Variants in SLC6A11 observed in about 807,000 individuals in gnomAD.
SLC6A11 encodes the protein solute carrier family 6 member 11.
SLC6A11 carries 25 observed loss-of-function variants against 74.8 expected under a neutral mutation model. The observed-to-expected ratio is 0.33, with a 90% CI of 0.24 to 0.47. The LOEUF is 0.47. Among genes scored for constraint, SLC6A11 ranks in the 20% least tolerant of loss-of-function variants. The pLI, the probability that SLC6A11 is intolerant of heterozygous loss-of-function variation, is 1.00. For synonymous variants in SLC6A11, 330 were observed against 330.2 expected (o/e 1.00, Z 0.01); for missense variants, 574 against 837.0 (o/e 0.69, Z 3.88).
intron 4 of SLC6A11, among the ~76,000 whole-genome samples, chr3:10,838,152 A>T (rs1694391023): frequency 6.6e-6 from 1 of 151,970 alleles, no homozygotes; most frequent in Non-Finnish European, 1.5e-5. Context: ...CTGGGCTGGG[A>T]CCTATTCCCA....
At chr3:10,877,606 C>G (rs923109818) in intron 6 of SLC6A11, among the ~76,000 whole-genome samples, 2 of 152,222 alleles carry the variant, frequency 1.3e-5, no homozygotes, top group Non-Finnish European at 2.9e-5. Flanking sequence ...AGAGGAAACA[C>G]AGGTGTTCAC....
intron 5 of SLC6A11, among the ~76,000 whole-genome samples, chr3:10,856,597 G>T (rs552314336): frequency 2.8e-4 from 43 of 152,328 alleles, no homozygotes; most frequent in Non-Finnish European, 5.7e-4. Flanking sequence ...TACCAAGGTA[G>T]AACCCAAAAC....
At chr3:10,856,796 C>T (rs1694643475) in intron 5 of SLC6A11, among the ~76,000 whole-genome samples, 2 of 152,172 alleles carry the variant, frequency 1.3e-5, no homozygotes, top group Non-Finnish European at 2.9e-5. Flanking sequence ...ACCTCTGGAA[C>T]CAGGCAGGCC....
chr3:10,933,053 A>G, intron 10 of SLC6A11, 98 bp from the exon 11 acceptor site: 1 of 808,064 alleles, frequency 1.2e-6, no homozygotes, highest in Non-Finnish European at 2.2e-6. Context: ...TGGTAGCCAC[A>G]GAGCAGAGAG....
intron 6 of SLC6A11, among the ~76,000 whole-genome samples, chr3:10,904,993 C>T (rs1012520994): frequency 1.3e-5 from 2 of 152,196 alleles, no homozygotes; most frequent in Non-Finnish European, 2.9e-5. Flanking sequence ...AAGGTTTTCA[C>T]TTCTTAAGGC....
intron 5 of SLC6A11, among the ~76,000 whole-genome samples, chr3:10,864,053 T>C (rs1367357345): frequency 6.6e-6 from 1 of 152,032 alleles, no homozygotes; most frequent in Non-Finnish European, 1.5e-5. Context: ...AAATGATAAA[T>C]GTCAGTCCTA....
At chr3:10,825,931 C>G (rs2106573732) in intron 4 of SLC6A11, among the ~76,000 whole-genome samples, 1 of 152,314 alleles carries the variant, frequency 6.6e-6, no homozygotes, top group South Asian at 2.1e-4. Flanking sequence ...TTACTGTAAG[C>G]CTTGAGCCTG....
chr3:10,935,026 C>A lies in SLC6A11; in HGVS notation c.1576-3C>A. On this transcript the variant is annotated splice_region_variant and splice_polypyrimidine_tract_variant and intron_variant, in intron 12 of 13. Coordinates refer to ENST00000254488, the MANE Select transcript of SLC6A11 (RefSeq NM_014229.3). ...CCAGGCACCTGCCCCCATCTCTCTG[C>A]AGGGGATCTTCATCTTCTTCTTGAT... is the stretch of plus-strand genomic sequence containing the variant. 6.2e-7 allele frequency: 1 copy of A among 1,612,772 alleles called. No homozygotes were observed. The highest frequency in any genetic ancestry group is 1.1e-5 in the South Asian group (1 of 90,680).
intron 6 of SLC6A11, among the ~76,000 whole-genome samples, chr3:10,898,526 G>T (rs1024383687): frequency 6.6e-6 from 1 of 152,180 alleles, no homozygotes. Flanking sequence ...CTAGGACAGT[G>T]GCAAAATGCC....
At chr3:10,912,658 C>G (rs1471848392) in intron 7 of SLC6A11, among the ~76,000 whole-genome samples, 4 of 152,242 alleles carry the variant, frequency 2.6e-5, no homozygotes, top group Non-Finnish European at 4.4e-5. Flanking sequence ...TCTCTGGCCT[C>G]CTGTAGCTGG....
At chr3:10,843,218 G>A (rs914304048) in intron 4 of SLC6A11, among the ~76,000 whole-genome samples, 1 of 152,166 alleles carries the variant, frequency 6.6e-6, no homozygotes, top group African/African-American at 2.4e-5. Context: ...AGAATTGGTG[G>A]GTTCTGAGGG....
chr3:10,928,404 A>G (rs1262727341), intron 9 of SLC6A11, among the ~76,000 whole-genome samples: 1 of 152,094 alleles, frequency 6.6e-6, no homozygotes, highest in Non-Finnish European at 1.5e-5. Flanking sequence ...AGTGGGGGAC[A>G]AGAGTGATCA....
At position 10,918,524 on chromosome 3, in the gene SLC6A11, C is replaced by T. The variant is rs1270840994; in HGVS notation, c.1120+71C>T. 1.1e-5 allele frequency: 17 copies of T among 1,516,046 alleles called. No individual in the cohort carries two copies. Among genetic ancestry groups the T allele is most frequent in the Middle Eastern group, 1.7e-4 (1 of 5,806 alleles). 93.9% of individuals were successfully genotyped at this position (1,516,046 alleles called of 1,614,324 possible). A position where few individuals can be genotyped will look rare whatever the true frequency, so the allele number is the denominator to read the frequency against. On this transcript the variant is annotated intron_variant, in intron 8 of 13. Transcript: ENST00000254488. The surrounding 1 kb of genome is among the most constrained non-coding windows in gnomAD (Gnocchi z 4.5). ...AGGAGTGATGGTCATCATGGAAATG[C>T]GATCTTCCTCCTCGGCTCACACATC...
intron 1 of SLC6A11, among the ~76,000 whole-genome samples, chr3:10,817,480 G>A (rs1254850182): frequency 6.6e-6 from 1 of 152,186 alleles, no homozygotes; most frequent in Non-Finnish European, 1.5e-5. Context: ...ACAGCTGGGC[G>A]GGTCCATGGC....
intron 5 of SLC6A11, among the ~76,000 whole-genome samples, chr3:10,855,943 A>T (rs963175857): frequency 6.6e-6 from 1 of 151,688 alleles, no homozygotes; most frequent in African/African-American, 2.4e-5. Flanking sequence ...CATGCCAGGG[A>T]CTCTTAGAGC....
At chr3:10,886,336 GC>G (rs1695042054) in intron 6 of SLC6A11, among the ~76,000 whole-genome samples, 1 of 152,168 alleles carries the variant, frequency 6.6e-6, no homozygotes, top group Non-Finnish European at 1.5e-5. Flanking sequence ...TGGTCAAGGA[GC>G]CCTCTGTGGC....
chr3:10,872,648 C>G (rs1694840900), intron 5 of SLC6A11, among the ~76,000 whole-genome samples: 1 of 152,168 alleles, frequency 6.6e-6, no homozygotes. Context: ...CTTCCAGGAC[C>G]TAGCTCAGTT....
At chr3:10,865,439 G>A (rs1240470558) in intron 5 of SLC6A11, among the ~76,000 whole-genome samples, 1 of 152,190 alleles carries the variant, frequency 6.6e-6, no homozygotes, top group African/African-American at 2.4e-5. Flanking sequence ...CGAGGTGGGT[G>A]GATCACGAGG....
chr3:10,912,637 C>T (rs1298859836), intron 7 of SLC6A11, among the ~76,000 whole-genome samples: 1 of 152,256 alleles, frequency 6.6e-6, no homozygotes, highest in Non-Finnish European at 1.5e-5. Flanking sequence ...TGCCCCTCAG[C>T]CTAACATGTC....
Sources: allele counts gnomAD v4.1 joint callset (sites outside exome capture counted in the v4.1 genomes callset), GRCh38; gene constraint gnomAD v4.1.1; non-coding constraint Gnocchi (gnomAD v3.1); transcripts MANE v1.5; gene names NCBI Gene and HGNC (gene_info 2026-07-23, HGNC 2026-07-21).